Variants in MOB3B observed in about 807,000 individuals in gnomAD.
MOB3B encodes MOB kinase activator 3B.
MOB3B carries 7 observed loss-of-function variants against 18.7 expected under a neutral mutation model. The observed-to-expected ratio is 0.37, with a 90% CI of 0.21 to 0.70. MOB3B has a LOEUF of 0.70. Among genes scored for constraint, MOB3B ranks in the 30% least tolerant of loss-of-function variants. The pLI is 0.52. For synonymous variants in MOB3B, 111 were observed against 99.9 expected, an observed-to-expected ratio of 1.11 and a Z score of -0.66; for missense variants, 253 against 281.3, an observed-to-expected ratio of 0.90 and a Z score of 0.72.
chr9:27,462,457 A>G (rs1819308120), intron 1 of MOB3B, among the ~76,000 whole-genome samples: 1 of 152,144 alleles, frequency 6.6e-6, no homozygotes, highest in Admixed American at 6.5e-5. Flanking sequence ...AAATGTAAGT[A>G]TTTTTACTTT....
rs1820398493 is a variant in MOB3B, at chr9:27,524,535, G to C, written c.-199+5020C>G. The C allele has an allele frequency of 3.1e-6, 5 of 1,614,112 alleles. 1 individual carries two copies. In the East Asian group the frequency reaches 8.9e-5, roughly 29 times the overall value. Reference sequence around the variant, plus strand: ...ATGTCTACGAGAAAACATAGCTTTTGAGTTGCCCCAAGAGTTTCTGCAATA... The same window carrying C: ...ATGTCTACGAGAAAACATAGCTTTTCAGTTGCCCCAAGAGTTTCTGCAATA... On this transcript the variant is annotated intron_variant, in intron 1 of 3. Transcript: ENST00000262244.
chr9:27,497,514 T>C (rs1477104051), intron 1 of MOB3B, among the ~76,000 whole-genome samples: 1 of 152,012 alleles, frequency 6.6e-6, no homozygotes, highest in African/African-American at 2.4e-5. Context: ...AAAAAATATA[T>C]ATACATATTT....
At chr9:27,390,217 A>G (rs1458277550) in intron 2 of MOB3B, among the ~76,000 whole-genome samples, 1 of 151,954 alleles carries the variant, frequency 6.6e-6, no homozygotes, top group African/African-American at 2.4e-5. Context: ...CCTCCTGAGT[A>G]GCTGAGATCA....
intron 2 of MOB3B, among the ~76,000 whole-genome samples, chr9:27,443,936 A>G (rs1396344978): frequency 6.6e-6 from 1 of 152,090 alleles, no homozygotes; most frequent in Non-Finnish European, 1.5e-5. Context: ...TATGATACAC[A>G]TTCTTTAGTC....
chr9:27,381,351 A>C (rs769074237), intron 2 of MOB3B, among the ~76,000 whole-genome samples: 3 of 151,948 alleles, frequency 2.0e-5, no homozygotes, highest in Non-Finnish European at 4.4e-5. Context: ...GTCCCTGCTG[A>C]TCTGAGGACT....
chr9:27,455,146 A>T lies in MOB3B; in HGVS notation c.405T>A (p.Phe135Leu). Reference sequence around the variant, plus strand: ...TAATGAACTTACCCACGCATGTTGGAAATATTTCCTCGTTGTTGATCTGAA... The same window carrying T: ...TAATGAACTTACCCACGCATGTTGGTAATATTTCCTCGTTGTTGATCTGAA... ...IEVQINNEEIFPTCVGVPFPK... is the reference protein window; with the variant it reads ...IEVQINNEEILPTCVGVPFPK... Residue 135 changes from phenylalanine (F) to leucine (L), a missense_variant, in exon 2 of 4, where the codon TTT (phenylalanine) becomes TTA (leucine). Transcript: ENST00000262244. 6.2e-7 allele frequency: 1 copy of T among 1,614,128 alleles called. No individual in the cohort carries two copies. The highest frequency in any genetic ancestry group is 8.5e-7 in the Non-Finnish European group (1 of 1,180,006).
intron 1 of MOB3B, among the ~76,000 whole-genome samples, chr9:27,524,150 TAA>T (rs3081119): frequency 8.4e-4 from 76 of 90,242 alleles, no homozygotes; most frequent in South Asian, 1.4e-3. Flanking sequence ...TCACCCGAAG[TAA>T]AAAAAAAAAA....
intron 1 of MOB3B, among the ~76,000 whole-genome samples, chr9:27,485,485 G>A (rs1312789701): frequency 1.3e-5 from 2 of 152,164 alleles, no homozygotes; most frequent in African/African-American, 2.4e-5. Flanking sequence ...AGCCCCAAAT[G>A]TCAGCATTGC....
chr9:27,466,642 G>A (rs1003914263), intron 1 of MOB3B, among the ~76,000 whole-genome samples: 1 of 152,184 alleles, frequency 6.6e-6, no homozygotes, highest in Non-Finnish European at 1.5e-5. Flanking sequence ...GGTTGGGGAG[G>A]CCTCAGAATC....
chr9:27,336,495 C>T (rs1457370094), intron 3 of MOB3B, among the ~76,000 whole-genome samples: 1 of 152,110 alleles, frequency 6.6e-6, no homozygotes, highest in Non-Finnish European at 1.5e-5. Flanking sequence ...GAAGGCTCCG[C>T]AGTGTGGTAA....
chr9:27,429,517 T>C (rs1344520979), intron 2 of MOB3B, among the ~76,000 whole-genome samples: 1 of 152,104 alleles, frequency 6.6e-6, no homozygotes. Context: ...GAAAAATAGA[T>C]TCTAAAACAA....
At chr9:27,348,917 G>T (rs1003758540) in intron 3 of MOB3B, among the ~76,000 whole-genome samples, 3 of 152,220 alleles carry the variant, frequency 2.0e-5, no homozygotes, top group African/African-American at 7.2e-5. Context: ...GCCTAGACTT[G>T]CAGGATGAGC....
intron 2 of MOB3B, chr9:27,391,676 C>G (rs980859501): frequency 2.0e-5 from 3 of 152,224 alleles, no homozygotes; most frequent in Admixed American, 6.5e-5. Context: ...GAATTTATAG[C>G]ACAGCCTACA....
At chr9:27,371,479 G>T (rs1298097452) in intron 2 of MOB3B, among the ~76,000 whole-genome samples, 2 of 152,218 alleles carry the variant, frequency 1.3e-5, no homozygotes, top group Non-Finnish European at 2.9e-5. Flanking sequence ...GCATTTGCAT[G>T]TAAGATCCCG....
chr9:27,354,526 T>G lies in MOB3B; in HGVS notation c.621+4508A>C, dbSNP rs193136914. Reference sequence around the variant, plus strand: ...TTGCTTTTAATGTCTATTGCTAATCTGACAGGATGAAGCATTAGTCCCAAC... The same window carrying G: ...TTGCTTTTAATGTCTATTGCTAATCGGACAGGATGAAGCATTAGTCCCAAC... On this transcript the variant is annotated intron_variant, in intron 3 of 3. Transcript: ENST00000262244. Among the ~76,000 whole-genome samples, 5 of 152,332 alleles carry G rather than the reference T, an allele frequency of 3.3e-5. No individual in the cohort carries two copies. The East Asian group carries it at 9.6e-4, about 29-fold the overall frequency.
chr9:27,355,789 C>A (rs1821181175), intron 3 of MOB3B, among the ~76,000 whole-genome samples: 1 of 152,062 alleles, frequency 6.6e-6, no homozygotes, highest in Non-Finnish European at 1.5e-5. Flanking sequence ...GTCTCGATCT[C>A]CTGACCTCGT....
intron 2 of MOB3B, among the ~76,000 whole-genome samples, chr9:27,426,845 C>T (rs190366363): frequency 6.6e-6 from 1 of 152,166 alleles, no homozygotes; most frequent in African/African-American, 2.4e-5. Context: ...CCACCTCCAC[C>T]CCCATGTGCT....
intron 1 of MOB3B, among the ~76,000 whole-genome samples, chr9:27,482,526 C>A (rs1223564952): frequency 6.6e-6 from 1 of 152,204 alleles, no homozygotes; most frequent in African/African-American, 2.4e-5. Context: ...CCTGGAATGT[C>A]AGTTCTTCCC....
chr9:27,387,048 A>C (rs1412902600), intron 2 of MOB3B, among the ~76,000 whole-genome samples: 1 of 152,206 alleles, frequency 6.6e-6, no homozygotes, highest in Non-Finnish European at 1.5e-5. Flanking sequence ...AATAAAAGTT[A>C]CAAGCTTGTG....
Sources: allele counts gnomAD v4.1 joint callset (sites outside exome capture counted in the v4.1 genomes callset), GRCh38; gene constraint gnomAD v4.1.1; transcripts MANE v1.5; gene names NCBI Gene and HGNC (gene_info 2026-07-23, HGNC 2026-07-21).